The following ZNF16 variants were observed in gnomAD, a reference collection of about 807,000 sequenced individuals.
The protein encoded by ZNF16 is zinc finger protein KOX9.
In ZNF16, 7 loss-of-function variants were observed where a neutral mutation model predicts 9.0. The observed-to-expected ratio is 0.78, with a 90% CI of 0.44 to 1.47. The LOEUF is 1.47. Among genes scored for constraint, ZNF16 ranks in the 40% most tolerant of loss-of-function variants. The pLI is 0.01. For synonymous variants in ZNF16, 312 were observed against 301.5 expected, an observed-to-expected ratio of 1.03 and a Z score of -0.36; for missense variants, 830 against 854.2, an observed-to-expected ratio of 0.97 and a Z score of 0.35.
chr8:144,935,261 G>A (rs1281390309), intron 2 of ZNF16, among the ~76,000 whole-genome samples: 1 of 151,944 alleles, frequency 6.6e-6, no homozygotes, highest in African/African-American at 2.4e-5. Flanking sequence ...CGAGTGCAAC[G>A]GTGCCATCTC....
Position 144,932,713 on chromosome 8 carries a change from G to T in ZNF16, c.197-123C>A. The stretch of plus-strand genomic sequence containing the variant: ...AGGGGAGCAGGGGATCCTCTGGGGT[G>T]GCAGTCCAGATCAGAGGGCATCAGG... On this transcript the variant is annotated intron_variant, in intron 2 of 2. Coordinates refer to ENST00000394909, the MANE Select transcript of ZNF16 (RefSeq NM_006958.3). This position sits in a 1 kb window ranked among gnomAD's most constrained non-coding sequence, Gnocchi z 5.0. 9.8e-7 allele frequency: 1 copy of T among 1,020,480 alleles called. No homozygotes were observed. Among genetic ancestry groups the T allele is most frequent in the Non-Finnish European group, 1.4e-6 (1 of 700,574 alleles). 63.2% of individuals were successfully genotyped at this position (1,020,480 alleles called of 1,614,324 possible).
At chr8:144,934,806 T>C (rs1833641904) in intron 2 of ZNF16, among the ~76,000 whole-genome samples, 1 of 152,202 alleles carries the variant, frequency 6.6e-6, no homozygotes, top group Middle Eastern at 3.2e-3. Context: ...GGATCATACA[T>C]ACATTACGGC....
intron 2 of ZNF16, among the ~76,000 whole-genome samples, chr8:144,935,404 C>G (rs559580306): frequency 3.7e-4 from 57 of 152,230 alleles, no homozygotes; most frequent in African/African-American, 1.3e-3. Context: ...CAGGGTTTCT[C>G]TGTGTTGGTC....
chr8:144,947,746 T>G (rs987839196), intron 1 of ZNF16, among the ~76,000 whole-genome samples: 3 of 152,202 alleles, frequency 2.0e-5, no homozygotes, highest in Non-Finnish European at 4.4e-5. Context: ...ATGTCCAGTC[T>G]TGAGGCATCA....
At chr8:144,938,623 GGTTT>G (rs1342207156) in intron 2 of ZNF16, among the ~76,000 whole-genome samples, 2 of 152,110 alleles carry the variant, frequency 1.3e-5, no homozygotes, top group African/African-American at 4.8e-5. Context: ...AACTTTGCTG[GGTTT>G]GTTTATTACC....
intron 2 of ZNF16, among the ~76,000 whole-genome samples, chr8:144,941,729 G>A (rs993449017): frequency 6.6e-6 from 1 of 150,884 alleles, no homozygotes; most frequent in Non-Finnish European, 1.5e-5. Flanking sequence ...CATGGTCTCA[G>A]CTTACTGCAA....
chr8:144,944,505 A>G (rs938778877), intron 2 of ZNF16: 19 of 152,230 alleles, frequency 1.2e-4, no homozygotes, highest in African/African-American at 4.1e-4. Flanking sequence ...GTGAGCCACC[A>G]TGCCCAGCCT....
Position 144,931,633 on chromosome 8 carries a change from G to C in ZNF16, c.1154C>G (p.Ala385Gly), listed in dbSNP as rs781458583. 2.5e-6 allele frequency: 4 copies of C among 1,614,116 alleles called. No individual in the cohort carries two copies. The highest frequency in any genetic ancestry group is 1.1e-5 in the South Asian group (1 of 91,082). ...KPFECGECGK[A>G]FSQSAHLRKH... ...CCTCAGGTGTGCACTCTGGCTGAAG[G>C]CTTTCCCACACTCGCCACACTCAAA... The change falls in exon 3 of 3, where the codon GCC (alanine) becomes GGC (glycine). Residue 385 changes from alanine to glycine, a missense_variant. By Grantham distance (60) the Ala-to-Gly change is moderately conservative. Transcript: ENST00000394909.
rs1298916292 is a variant in ZNF16 at position 144,933,556 on chromosome 8, T to C, written c.197-966A>G. Among the ~76,000 whole-genome samples, 1 of 152,118 alleles carries C rather than the reference T, an allele frequency of 6.6e-6. No individual in the cohort carries two copies. Among genetic ancestry groups the C allele is most frequent in the African/African-American group, 2.4e-5 (1 of 41,416 alleles). ...GATGTCACGAGTCTCTCATTCAAAC[T>C]GACATCCCAGGCCACACTGCCACCT... On this transcript the variant is annotated intron_variant, in intron 2 of 2. Transcript: ENST00000394909. This position sits in a 1 kb window ranked among gnomAD's most constrained non-coding sequence, Gnocchi z 5.6.
chr8:144,937,143 C>CTTTTTT (rs58306145), intron 2 of ZNF16, among the ~76,000 whole-genome samples: 4 of 110,962 alleles, frequency 3.6e-5, no homozygotes, highest in Non-Finnish European at 7.3e-5. Flanking sequence ...CTTTCTCTCT[C>CTTTTTT]TTTTTTTTTT....
chr8:144,948,815 C>T (rs1834021969), intron 1 of ZNF16, among the ~76,000 whole-genome samples: 1 of 152,162 alleles, frequency 6.6e-6, no homozygotes, highest in Non-Finnish European at 1.5e-5. Context: ...AATAAATGCC[C>T]CCTCTCACCC....
At chr8:144,941,961 G>A (rs1833808655) in intron 2 of ZNF16, among the ~76,000 whole-genome samples, 1 of 136,760 alleles carries the variant, frequency 7.3e-6, no homozygotes, top group South Asian at 2.4e-4. Flanking sequence ...CTGGCCTCTT[G>A]TGTCCATTTT....
At chr8:144,940,245 A>C (rs1411361445) in intron 2 of ZNF16, among the ~76,000 whole-genome samples, 1 of 151,872 alleles carries the variant, frequency 6.6e-6, no homozygotes, top group African/African-American at 2.4e-5. Context: ...CGCCCAGCTA[A>C]TTTTCTGTAT....
chr8:144,931,931 G>A lies in ZNF16; in HGVS notation c.856C>T (p.His286Tyr), dbSNP rs139242805. ...GHSDFSRHQS[H>Y]HSSERPYMCN... ...ATATAAGGCCTCTCACTGCTGTGGTGACTCTGATGCCTAGAAAAGTCTGAG... is the reference window on the plus strand; with the variant it reads ...ATATAAGGCCTCTCACTGCTGTGGTAACTCTGATGCCTAGAAAAGTCTGAG... The change falls in exon 3 of 3, where the codon CAC becomes TAC. Residue 286 changes from histidine to tyrosine, a missense_variant. Physicochemically the swap from His to Tyr is moderately conservative, Grantham distance 83 (BLOSUM62 2). Transcript: ENST00000394909. 3.0e-5 allele frequency: 48 copies of A among 1,613,410 alleles called. No homozygotes were observed. The African/African-American group carries it at 5.6e-4, about 19-fold the overall frequency.
intron 2 of ZNF16, among the ~76,000 whole-genome samples, chr8:144,942,842 A>C (rs985388326): frequency 1.2e-4 from 18 of 152,200 alleles, no homozygotes; most frequent in African/African-American, 4.1e-4. Context: ...CAAAAACCAC[A>C]ATTAATTTTG....
chr8:144,944,965 C>T (rs577663425), intron 2 of ZNF16: 30 of 152,270 alleles, frequency 2.0e-4, no homozygotes, highest in East Asian at 1.2e-3. Flanking sequence ...ACTTTTTAAA[C>T]GCTGTTTACA....
chr8:144,931,145 T>C lies in ZNF16; in HGVS notation c.1642A>G (p.Thr548Ala), dbSNP rs977505784. 7.4e-6 allele frequency: 12 copies of C among 1,614,076 alleles called. No individual in the cohort carries two copies. The East Asian group carries it at 1.1e-4, about 15-fold the overall frequency. Residue 548 changes from threonine to alanine, a missense_variant, in exon 3 of 3, where the codon ACT (threonine) becomes GCT (alanine). By Grantham distance (58) the Thr-to-Ala change is moderately conservative. Transcript: ENST00000394909. ...VHTGEKPYECTECGKTFSQSS... is the reference protein window; with the variant it reads ...VHTGEKPYECAECGKTFSQSS... ...TGGCTGAAGGTTTTTCCACATTCAG[T>C]ACATTCATAGGGCTTCTCTCCAGTG...
Position 144,931,817 on chromosome 8 carries a change from T to C in ZNF16, c.970A>G (p.Asn324Asp). ...SHMSEKPYECNECGKAFRRSS... is the reference protein window; with the variant it reads ...SHMSEKPYECDECGKAFRRSS... ...CGCCTAAAAGCCTTCCCACATTCAT[T>C]GCATTCATAGGGCTTCTCACTCATG... Residue 324 changes from asparagine to aspartate, a missense_variant, in exon 3 of 3, where the codon AAT (asparagine) becomes GAT (aspartate). Transcript: ENST00000394909. 3 of 1,614,228 alleles carry C rather than the reference T, an allele frequency of 1.9e-6. No homozygotes were observed. The highest frequency in any genetic ancestry group is 2.5e-6 in the Non-Finnish European group (3 of 1,180,034).
chr8:144,930,593 A>G lies in ZNF16; in HGVS notation c.*145T>C. On this transcript the variant is annotated 3_prime_UTR_variant, in exon 3 of 3. Transcript: ENST00000394909. The stretch of plus-strand genomic sequence containing the variant: ...GAGCCTGTAAAGGATGTTTCAAAGG[A>G]GGGTCCCAGGCTATGTGGCCACTGG... 1.2e-6 allele frequency: 1 copy of G among 819,636 alleles called. No individual in the cohort carries two copies. Among genetic ancestry groups the G allele is most frequent in the Non-Finnish European group, 1.8e-6 (1 of 543,288 alleles). 50.8% of individuals were successfully genotyped at this position (819,636 alleles called of 1,614,324 possible). A position where few individuals can be genotyped will look rare whatever the true frequency, so the allele number is the denominator to read the frequency against.
Sources: gnomAD v4.1 joint callset for allele counts (sites outside exome capture counted in the v4.1 genomes callset) on GRCh38, gnomAD v4.1.1 for gene constraint, Gnocchi (gnomAD v3.1) non-coding constraint, MANE v1.5 for transcripts, NCBI Gene and HGNC (gene_info 2026-07-23, HGNC 2026-07-21) for gene names.